The following OLA1 variants were observed in gnomAD, a reference collection of about 807,000 sequenced individuals.
OLA1 encodes the protein Obg like ATPase 1.
Under a neutral mutation model 48.4 loss-of-function variants are expected in OLA1, and 14 were observed. That is an observed-to-expected ratio of 0.29 (90% CI 0.19 to 0.45). OLA1 has a LOEUF of 0.45. Among genes scored for constraint, OLA1 ranks in the 20% least tolerant of loss-of-function variants. OLA1 has a pLI of 1.00. For missense variants in OLA1, 325 were observed against 467.1 expected (o/e 0.70, Z 2.80); for synonymous variants, 127 against 150.4 (o/e 0.84, Z 1.14).
At chr2:174,180,572 T>A (rs1301397697) in intron 4 of OLA1, among the ~76,000 whole-genome samples, 5 of 152,234 alleles carry the variant, frequency 3.3e-5, no homozygotes, top group Non-Finnish European at 7.3e-5. Flanking sequence ...TGCAGTATAA[T>A]GGCTAAAACC....
At chr2:174,152,727 G>A (rs1686775716) in intron 4 of OLA1, among the ~76,000 whole-genome samples, 1 of 152,142 alleles carries the variant, frequency 6.6e-6, no homozygotes, top group Non-Finnish European at 1.5e-5. Context: ...TGATGCAAAA[G>A]CATAATGGAA....
chr2:174,102,250 GC>G (rs1685414236), intron 7 of OLA1, among the ~76,000 whole-genome samples: 1 of 151,904 alleles, frequency 6.6e-6, no homozygotes, highest in South Asian at 2.1e-4. Flanking sequence ...TTTTAATAAA[GC>G]CTCCAGATGA....
chr2:174,202,798 T>C (rs1190084613), intron 4 of OLA1, among the ~76,000 whole-genome samples: 1 of 152,184 alleles, frequency 6.6e-6, no homozygotes, highest in Admixed American at 6.5e-5. Flanking sequence ...TTCCTCTAGC[T>C]TACTTCAAAA....
At chr2:174,210,601 C>T (rs578079537) in intron 4 of OLA1, among the ~76,000 whole-genome samples, 1 of 151,924 alleles carries the variant, frequency 6.6e-6, no homozygotes, top group Non-Finnish European at 1.5e-5. Context: ...TATAGAATGA[C>T]CCTCATTTTT....
chr2:174,135,355 A>C (rs1686287152), intron 5 of OLA1, among the ~76,000 whole-genome samples: 1 of 152,198 alleles, frequency 6.6e-6, no homozygotes, highest in South Asian at 2.1e-4. Context: ...TGTTGGCACT[A>C]TCCCATAGGA....
In OLA1 at chr2:174,073,730, C is replaced by A. The variant is rs976657161; in HGVS notation, c.*1696G>T. 4 of 152,066 alleles carry A rather than the reference C, an allele frequency of 2.6e-5. No individual in the cohort carries two copies. The highest frequency in any genetic ancestry group is 9.7e-5 in the African/African-American group (4 of 41,408). The allele number at this position is 152,066 out of a possible 1,614,324, so 9.4% of individuals were successfully genotyped here. On this transcript the variant is annotated 3_prime_UTR_variant, in exon 11 of 11. Coordinates refer to ENST00000284719, the MANE Select transcript of OLA1 (RefSeq NM_013341.5). ...CCATGCAATTTACTTTGGAGAAGAC[C>A]CAAAAGCAAGATATTTGATTCTTTC...
intron 3 of OLA1, among the ~76,000 whole-genome samples, chr2:174,226,656 C>T (rs1028391882): frequency 3.7e-4 from 57 of 152,122 alleles, no homozygotes; most frequent in African/African-American, 1.4e-3. Flanking sequence ...TGGGCCACCA[C>T]GTCCGGCTAC....
At chr2:174,235,875 T>C (rs1978885) in intron 2 of OLA1, among the ~76,000 whole-genome samples, 65,157 of 151,852 alleles carry the variant, frequency 0.43, 14,068 homozygotes, top group Middle Eastern at 0.5. Flanking sequence ...AGGGCTCACA[T>C]GGAGATTGGA....
At chr2:174,146,240 A>G (rs1394269211) in intron 4 of OLA1, among the ~76,000 whole-genome samples, 1 of 152,204 alleles carries the variant, frequency 6.6e-6, no homozygotes, top group East Asian at 1.9e-4. Flanking sequence ...CTGTAATGGG[A>G]AGTCTGGATA....
intron 4 of OLA1, chr2:174,172,557 G>C (rs1687334098): frequency 6.1e-6 from 1 of 164,898 alleles, no homozygotes; most frequent in Non-Finnish European, 1.4e-5. Context: ...AGACCAGTGG[G>C]GCGGAGTAGG....
At chr2:174,230,747 C>T (rs1195385430) in intron 2 of OLA1, among the ~76,000 whole-genome samples, 1 of 152,108 alleles carries the variant, frequency 6.6e-6, no homozygotes, top group African/African-American at 2.4e-5. Flanking sequence ...CATCTGGGGG[C>T]TGGAAGTAAG....
intron 4 of OLA1, among the ~76,000 whole-genome samples, chr2:174,205,775 T>C (rs1369078036): frequency 6.6e-6 from 1 of 152,154 alleles, no homozygotes. Context: ...GGGGACACCA[T>C]GGCCCTGAAT....
chr2:174,138,588 T>C (rs1686365841), intron 5 of OLA1, among the ~76,000 whole-genome samples: 2 of 152,234 alleles, frequency 1.3e-5, no homozygotes, highest in African/African-American at 4.8e-5. Context: ...AAAAATGGCA[T>C]TGAGTTTCTC....
chr2:174,175,223 C>G (rs1372888156), intron 4 of OLA1, among the ~76,000 whole-genome samples: 1 of 148,804 alleles, frequency 6.7e-6, no homozygotes, highest in Middle Eastern at 3.2e-3. Context: ...ACACAAAAAA[C>G]ACAAATATCA....
chr2:174,081,543 C>A (rs918771082), intron 8 of OLA1, among the ~76,000 whole-genome samples: 1 of 151,874 alleles, frequency 6.6e-6, no homozygotes, highest in Non-Finnish European at 1.5e-5. Context: ...CAGGACCTGG[C>A]CATAAAAGCA....
At chr2:174,206,405 T>C (rs1688115788) in intron 4 of OLA1, among the ~76,000 whole-genome samples, 1 of 151,954 alleles carries the variant, frequency 6.6e-6, no homozygotes, top group African/African-American at 2.4e-5. Flanking sequence ...AAACTGATCA[T>C]TAAAGATCAA....
intron 4 of OLA1, among the ~76,000 whole-genome samples, chr2:174,154,366 A>G (rs1213786953): frequency 6.6e-6 from 1 of 151,676 alleles, no homozygotes; most frequent in Non-Finnish European, 1.5e-5. Flanking sequence ...ACCATCACCA[A>G]CTCTCCAGAA....
chr2:174,109,200 ATCT>A (rs1287656813), intron 7 of OLA1, among the ~76,000 whole-genome samples: 1 of 152,194 alleles, frequency 6.6e-6, no homozygotes, highest in East Asian at 1.9e-4. Context: ...ACACTCACAT[ATCT>A]TCTTATGGCT....
At chr2:174,126,384 T>C (rs16862414) in intron 5 of OLA1, among the ~76,000 whole-genome samples, 2,571 of 152,254 alleles carry the variant, frequency 0.017, 69 homozygotes, top group African/African-American at 0.058. Context: ...TTAGGTTCCA[T>C]ATTTCTTTAC....
Sources: allele counts gnomAD v4.1 joint callset (sites outside exome capture counted in the v4.1 genomes callset), GRCh38; gene constraint gnomAD v4.1.1; transcripts MANE v1.5; gene names NCBI Gene and HGNC (gene_info 2026-07-23, HGNC 2026-07-21).